ARMH3: variants seen among roughly 807,000 people sequenced by gnomAD.
ARMH3 encodes armadillo-like helical domain-containing protein 3.
Under a neutral mutation model 99.1 loss-of-function variants are expected in ARMH3, and 60 were observed. That is an observed-to-expected ratio of 0.61 (90% CI 0.49 to 0.75). The LOEUF is 0.75. ARMH3 is among the 30% of genes least tolerant of loss of function. The probability of loss-of-function intolerance (pLI) is 0.00; values close to 1 mark genes in which losing one functional copy is unlikely to be tolerated. For missense variants in ARMH3, 679 were observed against 843.1 expected, an observed-to-expected ratio of 0.81 and a Z score of 2.41; for synonymous variants, 285 against 292.8, an observed-to-expected ratio of 0.97 and a Z score of 0.27.
chr10:101,985,668 C>G (rs556296622), intron 19 of ARMH3, among the ~76,000 whole-genome samples: 1 of 151,914 alleles, frequency 6.6e-6, no homozygotes, highest in Non-Finnish European at 1.5e-5. Flanking sequence ...GAGCCATAAT[C>G]GTGCCACTGC....
intron 8 of ARMH3, among the ~76,000 whole-genome samples, chr10:102,018,522 A>G (rs1328412675): frequency 2.6e-5 from 4 of 152,240 alleles, no homozygotes; most frequent in African/African-American, 9.6e-5. Context: ...CCATGAGATT[A>G]TAATGGAACT....
chr10:102,018,032 C>T (rs758497245), intron 8 of ARMH3, among the ~76,000 whole-genome samples: 1 of 152,084 alleles, frequency 6.6e-6, no homozygotes, highest in Non-Finnish European at 1.5e-5. Context: ...CCAGCTGGCC[C>T]AGTTCTCACA....
At position 101,846,472 on chromosome 10, in the gene ARMH3, C is replaced by G. The variant is rs1431443539; in HGVS notation, c.*1056G>C. On this transcript the variant is annotated 3_prime_UTR_variant, in exon 26 of 26. Coordinates refer to ENST00000370033, the MANE Select transcript of ARMH3 (RefSeq NM_024541.3). ...GTTTATTTCATACACACCCTAAAGACAGTAAAGCAGATTAGAAATTAAAAG... is the reference window on the plus strand; with the variant it reads ...GTTTATTTCATACACACCCTAAAGAGAGTAAAGCAGATTAGAAATTAAAAG... The G allele has an allele frequency of 1.3e-5, 2 of 152,144 alleles. No homozygotes were observed. The highest frequency in any genetic ancestry group is 4.8e-5 in the African/African-American group (2 of 41,402). 9.4% of individuals were successfully genotyped at this position (152,144 alleles called of 1,614,324 possible). A position where few individuals can be genotyped will look rare whatever the true frequency, so the allele number is the denominator to read the frequency against.
At chr10:101,975,101 G>C (rs1845936442) in intron 20 of ARMH3, 111 bp downstream of exon 20, 5 of 337,504 alleles carry the variant, frequency 1.5e-5, no homozygotes, top group Non-Finnish European at 2.6e-5. Context: ...GAAAATAAAG[G>C]CAACCTAAAC....
intron 24 of ARMH3, among the ~76,000 whole-genome samples, chr10:101,854,296 T>G (rs992450553): frequency 2.0e-5 from 3 of 152,146 alleles, no homozygotes; most frequent in Non-Finnish European, 4.4e-5. Context: ...GAATAAAAGT[T>G]TTTAAGTTCC....
chr10:101,898,578 C>T (rs1319424021), intron 23 of ARMH3, among the ~76,000 whole-genome samples: 1 of 152,180 alleles, frequency 6.6e-6, no homozygotes, highest in African/African-American at 2.4e-5. Flanking sequence ...CTAAAAGCTG[C>T]TATGTACATC....
intron 23 of ARMH3, among the ~76,000 whole-genome samples, chr10:101,894,286 G>A (rs762406129): frequency 6.6e-6 from 1 of 152,190 alleles, no homozygotes; most frequent in Non-Finnish European, 1.5e-5. Flanking sequence ...CTCTCTCCAG[G>A]CTCTTAGAAA....
At chr10:102,014,503 C>T (rs145085433) in intron 8 of ARMH3, among the ~76,000 whole-genome samples, 14 of 152,318 alleles carry the variant, frequency 9.2e-5, no homozygotes, top group African/African-American at 3.4e-4. Context: ...AACCATTTCA[C>T]AAACTACATG....
At position 101,944,585 on chromosome 10, in the gene ARMH3, G is replaced by A. The variant is rs533759444; in HGVS notation, c.1706-4647C>T. ...TCCCAGTACTTTGGGAGGCTGAGGC[G>A]GGTGGATCACCTGAGGTCAGGAGTT... On this transcript the variant is annotated intron_variant, in intron 22 of 25. Transcript: ENST00000370033. 7.0e-4 allele frequency among the ~76,000 whole-genome samples: 107 copies of A among 152,068 alleles called. 1 individual carries two copies. Among genetic ancestry groups the A allele is most frequent in the African/African-American group, 2.5e-3 (102 of 41,508 alleles).
rs538236793 is a variant in ARMH3, at chr10:101,964,836, C to T, written c.1496-7104G>A. On this transcript the variant is annotated intron_variant, in intron 20 of 25. Transcript: ENST00000370033. ...ACCAGCCTGTAACATGGTGAAACCCCGTCTTTACCAAAAAAAAAAAAAAAA... is the reference window on the plus strand; with the variant it reads ...ACCAGCCTGTAACATGGTGAAACCCTGTCTTTACCAAAAAAAAAAAAAAAA... Among the ~76,000 whole-genome samples the T allele has an allele frequency of 2.7e-5, 4 of 148,910 alleles. No individual in the cohort carries two copies. In the East Asian group the frequency reaches 5.9e-4, roughly 22 times the overall value.
At chr10:101,940,463 T>A (rs185320140) in intron 22 of ARMH3, among the ~76,000 whole-genome samples, 17 of 152,238 alleles carry the variant, frequency 1.1e-4, no homozygotes, top group South Asian at 2.1e-4. Flanking sequence ...TTTTTTTTTT[T>A]AATTATACTT....
At chr10:101,909,709 C>T (rs906453651) in intron 23 of ARMH3, among the ~76,000 whole-genome samples, 1 of 152,038 alleles carries the variant, frequency 6.6e-6, no homozygotes, top group Non-Finnish European at 1.5e-5. Context: ...ATCCTCCTGC[C>T]TTGCCCTTCC....
At chr10:102,031,440 C>A (rs1590210085) in intron 4 of ARMH3, among the ~76,000 whole-genome samples, 1 of 152,214 alleles carries the variant, frequency 6.6e-6, no homozygotes, top group South Asian at 2.1e-4. Context: ...TGAAATAAAA[C>A]AGTCTACAAT....
rs1053230977 is a variant in ARMH3, at chr10:101,970,721, C to T, written c.1495+4491G>A. ...GCATCTGTAGTCCCAGCTACTTGGG[C>T]GGCTGAGGTGGGAGGATCCATTGGG... On this transcript the variant is annotated intron_variant, in intron 20 of 25. Transcript: ENST00000370033. 4.0e-5 allele frequency among the ~76,000 whole-genome samples: 6 copies of T among 150,554 alleles called. No individual in the cohort carries two copies. The East Asian group carries it at 5.8e-4, about 15-fold the overall frequency.
intron 19 of ARMH3, among the ~76,000 whole-genome samples, chr10:101,988,858 G>C (rs1846634784): frequency 6.6e-6 from 1 of 150,584 alleles, no homozygotes; most frequent in Non-Finnish European, 1.5e-5. Context: ...AGGAGGCAGA[G>C]GTTGCAGTGA....
intron 24 of ARMH3, among the ~76,000 whole-genome samples, chr10:101,886,849 G>A (rs2067559238): frequency 6.6e-6 from 1 of 152,142 alleles, no homozygotes; most frequent in South Asian, 2.1e-4. Flanking sequence ...CTTACTAAAT[G>A]TAACAAATTC....
chr10:101,940,221 A>G (rs924197680), intron 22 of ARMH3, among the ~76,000 whole-genome samples: 2 of 152,118 alleles, frequency 1.3e-5, no homozygotes, highest in African/African-American at 4.8e-5. Flanking sequence ...ACCGGGTTCC[A>G]TAACTTAATT....
intron 20 of ARMH3, among the ~76,000 whole-genome samples, chr10:101,969,958 T>C (rs138628641): frequency 6.8e-4 from 103 of 152,336 alleles, no homozygotes; most frequent in African/African-American, 2.4e-3. Context: ...GTAACAACTG[T>C]GATCCATAGA....
At chr10:102,045,883 T>C (rs1374312847) in intron 1 of ARMH3, among the ~76,000 whole-genome samples, 4 of 151,994 alleles carry the variant, frequency 2.6e-5, no homozygotes, top group Admixed American at 2.6e-4. Context: ...TCACTTGAGG[T>C]TGGGAGTTCG....
Sources: gnomAD v4.1 joint callset for allele counts (sites outside exome capture counted in the v4.1 genomes callset) on GRCh38, gnomAD v4.1.1 for gene constraint, MANE v1.5 for transcripts, NCBI Gene and HGNC (gene_info 2026-07-23, HGNC 2026-07-21) for gene names.